KIAA1217: variants seen among roughly 807,000 people sequenced by gnomAD.
KIAA1217 encodes the protein KIAA1217, also known as sickle tail protein homolog.
KIAA1217 carries 88 observed loss-of-function variants against 163.9 expected under a neutral mutation model. The ratio of observed to expected loss-of-function variants is 0.54; its 90% confidence interval spans 0.45 to 0.64. The LOEUF (loss-of-function observed/expected upper bound fraction) is 0.64, where lower values mean the gene tolerates loss of function less well. Among genes scored for constraint, KIAA1217 ranks in the 30% least tolerant of loss-of-function variants. KIAA1217 has a pLI of 0.00. For missense variants in KIAA1217, 2,372 were observed against 2,475.0 expected (o/e 0.96, Z 0.88); for synonymous variants, 903 against 923.1 (o/e 0.98, Z 0.39).
intron 1 of KIAA1217, among the ~76,000 whole-genome samples, chr10:23,991,259 C>T (rs1016189802): frequency 3.9e-5 from 6 of 152,180 alleles, no homozygotes; most frequent in African/African-American, 1.4e-4. Flanking sequence ...TAGCATTGTA[C>T]ACTCGATTGT....
chr10:24,456,304 A>G (rs1396666387), intron 5 of KIAA1217, among the ~76,000 whole-genome samples: 1 of 152,196 alleles, frequency 6.6e-6, no homozygotes, highest in Admixed American at 6.5e-5. Flanking sequence ...CGAATGTGTC[A>G]TTCGTTTCAT....
intron 2 of KIAA1217, among the ~76,000 whole-genome samples, chr10:24,223,641 C>G (rs2069982761): frequency 6.6e-6 from 1 of 151,434 alleles, no homozygotes; most frequent in East Asian, 1.9e-4. Context: ...AGCCAATCAG[C>G]AAGATAGAGA....
At chr10:24,475,734 A>C (rs1043648242) in intron 6 of KIAA1217, among the ~76,000 whole-genome samples, 4 of 152,194 alleles carry the variant, frequency 2.6e-5, no homozygotes, top group Non-Finnish European at 5.9e-5. Context: ...GTATAGGATA[A>C]ACACTCATAG....
intron 3 of KIAA1217, among the ~76,000 whole-genome samples, chr10:24,406,181 T>A (rs1439618428): frequency 6.6e-6 from 1 of 152,202 alleles, no homozygotes; most frequent in Non-Finnish European, 1.5e-5. Flanking sequence ...GAGCAACAAT[T>A]CACATTCAGA....
At chr10:24,117,795 G>C (rs929430028) in intron 2 of KIAA1217, among the ~76,000 whole-genome samples, 3 of 152,146 alleles carry the variant, frequency 2.0e-5, no homozygotes, top group African/African-American at 7.2e-5. Context: ...ATGTTCCTGA[G>C]CAAAGCAGTA....
intron 3 of KIAA1217, among the ~76,000 whole-genome samples, chr10:24,421,917 C>G (rs1461803307): frequency 6.6e-6 from 1 of 152,132 alleles, no homozygotes; most frequent in Non-Finnish European, 1.5e-5. Context: ...CCTTCTTATT[C>G]TATGTCTTCG....
At chr10:23,812,375 T>G (rs996218366) in intron 1 of KIAA1217, among the ~76,000 whole-genome samples, 15 of 152,214 alleles carry the variant, frequency 9.9e-5, no homozygotes, top group Non-Finnish European at 1.9e-4. Context: ...GTGAATGCCT[T>G]AAAAACAAAG....
At chr10:24,489,041 G>C (rs1382974108) in intron 6 of KIAA1217, among the ~76,000 whole-genome samples, 1 of 152,132 alleles carries the variant, frequency 6.6e-6, no homozygotes, top group East Asian at 1.9e-4. Flanking sequence ...GGTGGGGAGA[G>C]AGATGACAGG....
intron 5 of KIAA1217, among the ~76,000 whole-genome samples, chr10:24,468,301 T>C (rs1206313770): frequency 6.6e-6 from 1 of 152,198 alleles, no homozygotes; most frequent in African/African-American, 2.4e-5. Context: ...ATTCTAGTTG[T>C]GGTTTTAAAA....
chr10:23,709,887 C>T (rs892038397), intron 1 of KIAA1217, among the ~76,000 whole-genome samples: 7 of 152,166 alleles, frequency 4.6e-5, no homozygotes, highest in Admixed American at 2.6e-4. Flanking sequence ...GCTGGGAGCT[C>T]TCTGGGCAGC....
intron 1 of KIAA1217, among the ~76,000 whole-genome samples, chr10:23,894,225 G>T (rs1457202789): frequency 6.6e-6 from 1 of 151,102 alleles, no homozygotes; most frequent in Admixed American, 6.6e-5. Context: ...TGACATGATT[G>T]TATATCTAGA....
intron 1 of KIAA1217, among the ~76,000 whole-genome samples, chr10:24,211,580 GTAT>G (rs2068122190): frequency 1.4e-5 from 2 of 142,184 alleles, no homozygotes; most frequent in Non-Finnish European, 3.1e-5. Flanking sequence ...GTATTGTATT[GTAT>G]TGTATTGTAT....
chr10:23,836,695 C>T (rs1000422198), intron 1 of KIAA1217, among the ~76,000 whole-genome samples: 11 of 151,416 alleles, frequency 7.3e-5, no homozygotes, highest in Admixed American at 3.3e-4. Flanking sequence ...GAAGCCGAGG[C>T]GGGAGGATTG....
chr10:24,363,623 G>A (rs557891113), intron 2 of KIAA1217, among the ~76,000 whole-genome samples: 1 of 148,424 alleles, frequency 6.7e-6, no homozygotes, highest in Admixed American at 6.7e-5. Context: ...GGAGTGCAGC[G>A]TGCAGTGGCA....
intron 2 of KIAA1217, among the ~76,000 whole-genome samples, chr10:24,197,040 G>A (rs1286707388): frequency 1.3e-5 from 2 of 152,312 alleles, no homozygotes; most frequent in African/African-American, 4.8e-5. Context: ...GGAGTTAAAC[G>A]AAAGAGTTTG....
chr10:24,469,270 G>A (rs550252188), intron 5 of KIAA1217, among the ~76,000 whole-genome samples: 5 of 151,670 alleles, frequency 3.3e-5, no homozygotes, highest in African/African-American at 1.2e-4. Flanking sequence ...GATTACAGGC[G>A]CATGCACTGC....
chr10:24,350,293 G>C (rs1187278017), intron 2 of KIAA1217, among the ~76,000 whole-genome samples: 1 of 152,162 alleles, frequency 6.6e-6, no homozygotes, highest in Admixed American at 6.5e-5. Flanking sequence ...GAACATTCTT[G>C]TGTATCGTGT....
At chr10:24,460,101 G>A (rs1204072624) in intron 5 of KIAA1217, among the ~76,000 whole-genome samples, 1 of 152,210 alleles carries the variant, frequency 6.6e-6, no homozygotes, top group Non-Finnish European at 1.5e-5. Flanking sequence ...AAACTAGCAG[G>A]TGTTCTCATG....
chr10:23,905,063 C>CTTTTTT (rs562938938), intron 1 of KIAA1217, among the ~76,000 whole-genome samples: 27 of 99,916 alleles, frequency 2.7e-4, no homozygotes, highest in Non-Finnish European at 4.2e-4. Context: ...TTCTCTTTTC[C>CTTTTTT]TTTTTTTTTT....
Sources: gnomAD v4.1 joint callset for allele counts (sites outside exome capture counted in the v4.1 genomes callset) on GRCh38, gnomAD v4.1.1 for gene constraint, MANE v1.5 for transcripts, NCBI Gene and HGNC (gene_info 2026-07-23, HGNC 2026-07-21) for gene names.